The following EIF4G3 variants were observed in gnomAD, a reference collection of about 807,000 sequenced individuals.
EIF4G3 encodes eIF-4-gamma 3.
EIF4G3 carries 34 observed loss-of-function variants against 186.4 expected under a neutral mutation model. The observed-to-expected ratio is 0.18, with a 90% CI of 0.14 to 0.24. EIF4G3 has a LOEUF of 0.24. Ranked by LOEUF, EIF4G3 falls within the 10% of genes least tolerant of loss-of-function variation. The probability of loss-of-function intolerance (pLI) is 1.00; values close to 1 mark genes in which losing one functional copy is unlikely to be tolerated. For missense variants in EIF4G3, 1,536 were observed against 1,948.5 expected, an observed-to-expected ratio of 0.79 and a Z score of 3.99; for synonymous variants, 673 against 679.5, an observed-to-expected ratio of 0.99 and a Z score of 0.15.
At chr1:20,897,028 G>A (rs574486567) in intron 16 of EIF4G3, among the ~76,000 whole-genome samples, 72 of 152,170 alleles carry the variant, frequency 4.7e-4, no homozygotes, top group African/African-American at 1.4e-3. Context: ...ACAAATCACC[G>A]TCATTAAATG....
intron 26 of EIF4G3, among the ~76,000 whole-genome samples, chr1:20,854,652 T>C (rs1156946546): frequency 1.3e-5 from 2 of 151,160 alleles, no homozygotes; most frequent in Non-Finnish European, 2.9e-5. Flanking sequence ...CTGTGGTGAG[T>C]TGTGATCATG....
intron 2 of EIF4G3, among the ~76,000 whole-genome samples, chr1:21,164,843 G>A (rs2097828966): frequency 6.6e-6 from 1 of 152,118 alleles, no homozygotes; most frequent in African/African-American, 2.4e-5. Flanking sequence ...CAGCCTGGGT[G>A]ACAGAGACAG....
chr1:20,822,883 G>A (rs1165875128), intron 33 of EIF4G3, among the ~76,000 whole-genome samples: 2 of 152,100 alleles, frequency 1.3e-5, no homozygotes, highest in Non-Finnish European at 1.5e-5. Context: ...GAAGTATGTT[G>A]TTAAGTTTCT....
chr1:20,939,548 G>C (rs1410511436), intron 14 of EIF4G3, among the ~76,000 whole-genome samples: 1 of 152,140 alleles, frequency 6.6e-6, no homozygotes, highest in Non-Finnish European at 1.5e-5. Context: ...TTTAAAAAAA[G>C]AATATATGTC....
chr1:20,856,558 A>G (rs947296863), intron 25 of EIF4G3, among the ~76,000 whole-genome samples: 1 of 152,218 alleles, frequency 6.6e-6, no homozygotes, highest in African/African-American at 2.4e-5. Context: ...TACCTGCTAC[A>G]GAAAGTTTTT....
intron 2 of EIF4G3, among the ~76,000 whole-genome samples, chr1:21,150,971 G>A (rs531905540): frequency 6.6e-6 from 1 of 152,200 alleles, no homozygotes; most frequent in South Asian, 2.1e-4. Context: ...GTGAGACTCC[G>A]TCTCTAAATA....
chr1:21,144,152 A>C (rs2097394287), intron 2 of EIF4G3, among the ~76,000 whole-genome samples: 2 of 152,158 alleles, frequency 1.3e-5, no homozygotes, highest in African/African-American at 4.8e-5. Flanking sequence ...GATAGTCCAA[A>C]TAGAGCTCCA....
At chr1:21,099,807 G>A (rs888457933) in intron 2 of EIF4G3, among the ~76,000 whole-genome samples, 5 of 152,134 alleles carry the variant, frequency 3.3e-5, no homozygotes, top group African/African-American at 4.8e-5. Flanking sequence ...TAAATGAATA[G>A]TCAGTTCCTC....
At chr1:20,880,695 G>A (rs1242387141) in intron 19 of EIF4G3, among the ~76,000 whole-genome samples, 1 of 152,196 alleles carries the variant, frequency 6.6e-6, no homozygotes, top group Non-Finnish European at 1.5e-5. Flanking sequence ...CGGTTGCAAT[G>A]AGCTGAGATC....
intron 9 of EIF4G3, among the ~76,000 whole-genome samples, chr1:20,980,796 T>C (rs749072337): frequency 1.3e-5 from 2 of 152,190 alleles, no homozygotes; most frequent in Non-Finnish European, 2.9e-5. Context: ...CAGTTGGTTG[T>C]GGCAAAGGGA....
intron 7 of EIF4G3, among the ~76,000 whole-genome samples, chr1:20,993,566 A>T (rs2081590527): frequency 6.6e-6 from 1 of 152,168 alleles, no homozygotes; most frequent in African/African-American, 2.4e-5. Context: ...TATATTTGCT[A>T]TTGGACTTTA....
chr1:20,952,339 A>G (rs974933242), intron 12 of EIF4G3, among the ~76,000 whole-genome samples: 1 of 152,032 alleles, frequency 6.6e-6, no homozygotes, highest in African/African-American at 2.4e-5. Flanking sequence ...GTATTTTAGT[A>G]GAGACAGGGT....
At chr1:20,860,101 C>G (rs1296539579) in intron 24 of EIF4G3, among the ~76,000 whole-genome samples, 1 of 152,178 alleles carries the variant, frequency 6.6e-6, no homozygotes, top group Non-Finnish European at 1.5e-5. Flanking sequence ...ACTACATTTT[C>G]CACTTCCTTT....
At chr1:21,023,925 T>A (rs2091471693) in intron 4 of EIF4G3, among the ~76,000 whole-genome samples, 1 of 123,462 alleles carries the variant, frequency 8.1e-6, no homozygotes, top group South Asian at 2.7e-4. Context: ...ATCTGGGATG[T>A]GAGGAGCGCC....
At chr1:21,094,960 C>T (rs1460087442) in intron 2 of EIF4G3, among the ~76,000 whole-genome samples, 2 of 152,178 alleles carry the variant, frequency 1.3e-5, no homozygotes, top group Admixed American at 1.3e-4. Context: ...CTGGGCAATT[C>T]TTCCTTTGCT....
chr1:20,850,558 T>A (rs1011193900), intron 28 of EIF4G3, among the ~76,000 whole-genome samples: 9 of 152,238 alleles, frequency 5.9e-5, no homozygotes, highest in Non-Finnish European at 1.0e-4. Flanking sequence ...CTGAAAATAA[T>A]CTTCAATTTA....
chr1:21,099,759 C>T (rs1277154061), intron 2 of EIF4G3, among the ~76,000 whole-genome samples: 2 of 152,104 alleles, frequency 1.3e-5, no homozygotes, highest in African/African-American at 2.4e-5. Flanking sequence ...TTACAAAAAC[C>T]ATTCATTTTT....
intron 4 of EIF4G3, among the ~76,000 whole-genome samples, chr1:21,006,926 G>A (rs1400274038): frequency 6.6e-6 from 1 of 152,110 alleles, no homozygotes; most frequent in African/African-American, 2.4e-5. Flanking sequence ...CTTTTACTAG[G>A]TTTCAGGTAC....
rs1048988748 is a variant in EIF4G3 at position 21,169,208 on chromosome 1, T to C, written c.-272+6967A>G. On this transcript the variant is annotated intron_variant, in intron 2 of 36. Transcript: ENST00000602326. ...GCTCACACCTGTAATCCCAGCACCT[T>C]GGGAGGCCGAGGTGGGCAGATCACC... 6.6e-5 allele frequency among the ~76,000 whole-genome samples: 10 copies of C among 152,202 alleles called. No homozygotes were observed. The South Asian group carries it at 2.1e-3, about 32-fold the overall frequency.
Sources: gnomAD v4.1 joint callset for allele counts (sites outside exome capture counted in the v4.1 genomes callset) on GRCh38, gnomAD v4.1.1 for gene constraint, MANE v1.5 for transcripts, NCBI Gene and HGNC (gene_info 2026-07-23, HGNC 2026-07-21) for gene names.